Variants in EPS15 observed in about 807,000 individuals in gnomAD.
The protein encoded by EPS15 is epidermal growth factor receptor substrate 15.
In EPS15, 72 loss-of-function variants were observed where a neutral mutation model predicts 113.8. That is an observed-to-expected ratio of 0.63 (90% CI 0.52 to 0.77). EPS15 has a LOEUF of 0.77. Ranked by LOEUF, EPS15 falls within the 30% of genes least tolerant of loss-of-function variation. The pLI, the probability that EPS15 is intolerant of heterozygous loss-of-function variation, is 0.00. For missense variants in EPS15, 1,048 were observed against 1,045.8 expected (o/e 1.00, Z -0.03); for synonymous variants, 344 against 363.4 (o/e 0.95, Z 0.61).
intron 21 of EPS15, among the ~76,000 whole-genome samples, chr1:51,374,157 G>A (rs1201063994): frequency 6.6e-6 from 1 of 152,204 alleles, no homozygotes; most frequent in Non-Finnish European, 1.5e-5. Context: ...GGGAGATCAT[G>A]AGCTCCCTTC....
At chr1:51,511,145 G>A (rs946150361) in intron 1 of EPS15, among the ~76,000 whole-genome samples, 4 of 151,832 alleles carry the variant, frequency 2.6e-5, no homozygotes, top group Non-Finnish European at 4.4e-5. Context: ...CAGCCTGAGC[G>A]ACAGAGCCAG....
chr1:51,400,869 T>C (rs1257619711), intron 19 of EPS15, 49 bp downstream of exon 19: 1 of 1,297,676 alleles, frequency 7.7e-7, no homozygotes, highest in South Asian at 1.3e-5. Flanking sequence ...AAGCTTATTA[T>C]TAAGCAGAAA....
intron 1 of EPS15, among the ~76,000 whole-genome samples, chr1:51,488,388 A>T (rs1644162903): frequency 6.6e-6 from 1 of 151,708 alleles, no homozygotes; most frequent in Admixed American, 6.6e-5. Flanking sequence ...AATTCTTTTG[A>T]AAGAGTCCAT....
intron 12 of EPS15, 103 bp from the exon 13 acceptor site, chr1:51,421,961 A>G: frequency 6.7e-7 from 1 of 1,497,432 alleles, no homozygotes; most frequent in Non-Finnish European, 9.0e-7. Flanking sequence ...ATACATAGTG[A>G]AACATTCAAT....
chr1:51,364,136 T>G, intron 22 of EPS15, 108 bp from the exon 23 acceptor site: 1 of 856,076 alleles, frequency 1.2e-6, no homozygotes, highest in Non-Finnish European at 1.6e-6. Context: ...TTTATTTTAA[T>G]TCTGAGAACA....
At chr1:51,467,964 TATA>T (rs1557498387) in intron 5 of EPS15, among the ~76,000 whole-genome samples, 1 of 151,774 alleles carries the variant, frequency 6.6e-6, no homozygotes, top group Admixed American at 6.6e-5. Flanking sequence ...TATTTATATA[TATA>T]TATTTTTTTA....
At chr1:51,478,985 T>A (rs1643969164) in intron 2 of EPS15, among the ~76,000 whole-genome samples, 1 of 152,194 alleles carries the variant, frequency 6.6e-6, no homozygotes, top group Non-Finnish European at 1.5e-5. Flanking sequence ...CTATATTTCC[T>A]GAATTTGAAT....
chr1:51,454,297 A>G (rs1028893585), intron 8 of EPS15, among the ~76,000 whole-genome samples: 4 of 152,200 alleles, frequency 2.6e-5, no homozygotes, highest in Non-Finnish European at 5.9e-5. Flanking sequence ...TTTAAGGCTT[A>G]GTAAGAATGT....
chr1:51,416,386 G>C lies in EPS15; in HGVS notation c.1113+5400C>G, dbSNP rs1245998223. Among the ~76,000 whole-genome samples the C allele has an allele frequency of 2.0e-5, 3 of 152,200 alleles. No individual in the cohort carries two copies. The East Asian group carries it at 5.8e-4, about 29-fold the overall frequency. On this transcript the variant is annotated intron_variant, in intron 13 of 24. Transcript: ENST00000371733. ...AGAAAGGAAGATAGCAGCAGCTGAA[G>C]CATGGCAAGGATGAAGTGAACAAAA...
At position 51,356,759 on chromosome 1, in the gene EPS15, C is replaced by A; in HGVS notation, c.2632G>T (p.Glu878Ter). Reference protein sequence around the residue: ...EQRLARLNQQEQEDLELAIAL... With the variant: ...EQRLARLNQQ Reference sequence around the variant, plus strand: ...ATAGCCAGTTCTAAGTCTTCTTGTTCCTGCTGATTTAGTCGGGCAAGCCTC... The same window carrying A: ...ATAGCCAGTTCTAAGTCTTCTTGTTACTGCTGATTTAGTCGGGCAAGCCTC... Residue 878 changes from glutamate to a stop codon, truncating the protein, a stop_gained, in exon 25 of 25, where the codon GAA becomes TAA. Coordinates refer to ENST00000371733, the MANE Select transcript of EPS15 (RefSeq NM_001981.3). LOFTEE classifies it high-confidence loss of function. 6.2e-6 allele frequency: 10 copies of A among 1,613,974 alleles called. No homozygotes were observed. The highest frequency in any genetic ancestry group is 8.5e-6 in the Non-Finnish European group (10 of 1,179,900).
chr1:51,469,685 C>T (rs1655106012), intron 4 of EPS15, among the ~76,000 whole-genome samples: 1 of 152,166 alleles, frequency 6.6e-6, no homozygotes, highest in African/African-American at 2.4e-5. Context: ...ACCTTGCAGA[C>T]TGTCTGCTTT....
At chr1:51,508,359 A>AG (rs1491157316) in intron 1 of EPS15, among the ~76,000 whole-genome samples, 6 of 150,878 alleles carry the variant, frequency 4.0e-5, no homozygotes, top group Non-Finnish European at 8.9e-5. Flanking sequence ...AAAGAAAGAA[A>AG]GAAAGAAAGA....
At chr1:51,367,220 AACCAGGCT>A (rs1347879112) in intron 21 of EPS15, among the ~76,000 whole-genome samples, 1 of 152,188 alleles carries the variant, frequency 6.6e-6, no homozygotes, top group Non-Finnish European at 1.5e-5. Context: ...GGGGAAGAGA[AACCAGGCT>A]ACCAGGCAGA....
intron 13 of EPS15, among the ~76,000 whole-genome samples, chr1:51,412,484 T>C (rs1403806365): frequency 6.6e-6 from 1 of 152,238 alleles, no homozygotes; most frequent in Non-Finnish European, 1.5e-5. Flanking sequence ...GCCAACACAA[T>C]AGATGATCAT....
At chr1:51,492,057 T>C (rs1644243978) in intron 1 of EPS15, among the ~76,000 whole-genome samples, 1 of 151,820 alleles carries the variant, frequency 6.6e-6, no homozygotes, top group Non-Finnish European at 1.5e-5. Flanking sequence ...CCATGTTGCC[T>C]AGGCTGGTCT....
chr1:51,401,374 A>G (rs1648533950), intron 18 of EPS15, among the ~76,000 whole-genome samples: 1 of 152,188 alleles, frequency 6.6e-6, no homozygotes, highest in Admixed American at 6.5e-5. Flanking sequence ...CACAAAATGG[A>G]GAAAGGACAG....
chr1:51,403,568 CT>C, intron 16 of EPS15, 36 bp from the exon 17 acceptor site: 6 of 1,208,764 alleles, frequency 5.0e-6, no homozygotes, highest in South Asian at 4.3e-5. Context: ...TAACAATATA[CT>C]TTTTGACATG....
chr1:51,404,943 A>C (rs1208428232), intron 16 of EPS15, among the ~76,000 whole-genome samples: 1 of 152,192 alleles, frequency 6.6e-6, no homozygotes, highest in Non-Finnish European at 1.5e-5. Flanking sequence ...CCACCATCAC[A>C]AGATATCCTT....
chr1:51,356,622 G>A lies in EPS15; in HGVS notation c.*78C>T, dbSNP rs1646223242. The A allele has an allele frequency of 1.6e-6, 2 of 1,273,302 alleles. No homozygotes were observed. Among genetic ancestry groups the A allele is most frequent in the Admixed American group, 2.2e-5 (1 of 45,416 alleles). The allele number at this position is 1,273,302 out of a possible 1,614,324, so 78.9% of individuals were successfully genotyped here. A position where few individuals can be genotyped will look rare whatever the true frequency, so the allele number is the denominator to read the frequency against. The stretch of plus-strand genomic sequence containing the variant: ...TTTTGTATTCCCATGCTCACAGGTA[G>A]TTTTGATACACATTGTAAATAGTTT... On this transcript the variant is annotated 3_prime_UTR_variant, in exon 25 of 25. Transcript: ENST00000371733.
Sources: gnomAD v4.1 joint callset for allele counts (sites outside exome capture counted in the v4.1 genomes callset) on GRCh38, gnomAD v4.1.1 for gene constraint, MANE v1.5 for transcripts, NCBI Gene and HGNC (gene_info 2026-07-23, HGNC 2026-07-21) for gene names.